The following EXOC6 variants were observed in gnomAD, a reference collection of about 807,000 sequenced individuals.
EXOC6 encodes the protein SEC15-like 1.
A neutral mutation model predicts 112.5 loss-of-function variants in EXOC6; 60 were observed. The ratio of observed to expected loss-of-function variants is 0.53; its 90% CI spans 0.43 to 0.66. EXOC6 has a LOEUF of 0.66. EXOC6 is among the 30% of genes least tolerant of loss of function. The pLI is 0.00. For synonymous variants in EXOC6, 295 were observed against 308.0 expected, an observed-to-expected ratio of 0.96 and a Z score of 0.44; for missense variants, 855 against 957.1, an observed-to-expected ratio of 0.89 and a Z score of 1.41.
rs147117209 is a variant in EXOC6 at position 92,940,788 on chromosome 10, A to G, written c.1274A>G (p.Asn425Ser). 1.8e-4 allele frequency: 291 copies of G among 1,612,404 alleles called. No homozygotes were observed. In the African/African-American group the frequency reaches 3.5e-3, roughly 19 times the overall value. The change falls in exon 13 of 22, where the codon AAT becomes AGT. Residue 425 changes from asparagine to serine, a missense_variant. This residue lies in a region of EXOC6 where 450 missense variants were observed against 563.5 expected (regional missense o/e 0.80). Transcript: ENST00000260762. ...DLLFEIRDQY[N>S]ETLLKKWAGV... is the part of the protein sequence containing the mutation. ...TTATTTGAAATAAGAGACCAATACA[A>G]TGAAACACTGCTTAAGAAATGGGCT...
chr10:92,853,569 GA>G (rs1453819661), intron 1 of EXOC6, among the ~76,000 whole-genome samples: 3 of 152,140 alleles, frequency 2.0e-5, no homozygotes, highest in Non-Finnish European at 2.9e-5. Flanking sequence ...AAACTTAATA[GA>G]AACCACATAA....
chr10:92,975,742 C>T (rs868012883), intron 18 of EXOC6, among the ~76,000 whole-genome samples: 2 of 86,092 alleles, frequency 2.3e-5, no homozygotes, highest in Non-Finnish European at 4.8e-5. Flanking sequence ...GGAGGGAGGT[C>T]GGGGGGCCAG....
intron 19 of EXOC6, among the ~76,000 whole-genome samples, chr10:93,012,739 A>G (rs1366175165): frequency 1.3e-5 from 2 of 152,204 alleles, no homozygotes; most frequent in East Asian, 3.8e-4. Context: ...TAAATTCACA[A>G]ATGGAACATC....
intron 18 of EXOC6, among the ~76,000 whole-genome samples, chr10:92,979,170 C>T (rs2134114995): frequency 6.6e-6 from 1 of 152,216 alleles, no homozygotes; most frequent in Middle Eastern, 3.4e-3. Context: ...CCTTCCCCTC[C>T]CTTCCCCTCC....
intron 4 of EXOC6, among the ~76,000 whole-genome samples, chr10:92,896,147 GTA>G (rs1337829493): frequency 0.032 from 782 of 24,468 alleles, 70 homozygotes; most frequent in Non-Finnish European, 0.034. Flanking sequence ...GTATGTATGT[GTA>G]TATATATATA....
chr10:92,887,025 T>A (rs1245021336), intron 1 of EXOC6, among the ~76,000 whole-genome samples: 1 of 152,210 alleles, frequency 6.6e-6, no homozygotes, highest in East Asian at 1.9e-4. Context: ...GCCGGTTAAG[T>A]CACTGTGGGG....
At chr10:92,862,834 C>A (rs952696628) in intron 1 of EXOC6, among the ~76,000 whole-genome samples, 5 of 152,158 alleles carry the variant, frequency 3.3e-5, no homozygotes, top group African/African-American at 7.2e-5. Context: ...TATGAACATT[C>A]ATGTACAAGT....
chr10:93,031,147 C>T (rs150100625), intron 20 of EXOC6, among the ~76,000 whole-genome samples: 2,327 of 152,204 alleles, frequency 0.015, 26 homozygotes, highest in Non-Finnish European at 0.025. Context: ...GATCTCTTTA[C>T]CTGACACCAA....
intron 8 of EXOC6, among the ~76,000 whole-genome samples, chr10:92,921,801 A>G (rs1165604652): frequency 6.6e-6 from 1 of 151,668 alleles, no homozygotes; most frequent in Non-Finnish European, 1.5e-5. Flanking sequence ...GGCTCATGCC[A>G]CCATGCTTGG....
At chr10:92,899,254 C>A (rs1459892148) in intron 4 of EXOC6, among the ~76,000 whole-genome samples, 2 of 152,100 alleles carry the variant, frequency 1.3e-5, no homozygotes, top group Non-Finnish European at 2.9e-5. Flanking sequence ...AGTTCCAGTT[C>A]TATTTCAGGG....
At chr10:92,896,621 T>C (rs1849843565) in intron 4 of EXOC6, among the ~76,000 whole-genome samples, 1 of 152,044 alleles carries the variant, frequency 6.6e-6, no homozygotes, top group Admixed American at 6.6e-5. Flanking sequence ...AGAGTCTCAC[T>C]CTGTTGGCCA....
At chr10:92,966,414 T>G (rs1389769190) in intron 17 of EXOC6, among the ~76,000 whole-genome samples, 8 of 142,800 alleles carry the variant, frequency 5.6e-5, no homozygotes, top group Non-Finnish European at 7.7e-5. Context: ...ATTAGGTATA[T>G]CTCCTAATGC....
At chr10:92,959,536 T>C (rs926088865) in intron 17 of EXOC6, among the ~76,000 whole-genome samples, 1 of 152,188 alleles carries the variant, frequency 6.6e-6, no homozygotes, top group African/African-American at 2.4e-5. Context: ...TTTAGACTTC[T>C]GTTCTATGAA....
In EXOC6 at chr10:92,952,344, T is replaced by A; in HGVS notation, c.1488T>A (p.Ile496=). ...PHIYIQVKEF[I]YASLKFSESL... is the part of the protein sequence containing the mutation. Reference sequence around the variant, plus strand: ...TTTACATTCAAGTTAAAGAATTTATTTATGCCAGCCTTAAATTTTCAGAGT... The same window carrying A: ...TTTACATTCAAGTTAAAGAATTTATATATGCCAGCCTTAAATTTTCAGAGT... Residue 496 remains isoleucine (I), a synonymous_variant, in exon 15 of 22, where the codon ATT becomes ATA. Transcript: ENST00000260762. 7 of 1,612,536 alleles carry A rather than the reference T, an allele frequency of 4.3e-6. No individual in the cohort carries two copies. Among genetic ancestry groups the A allele is most frequent in the Non-Finnish European group, 5.9e-6 (7 of 1,178,924 alleles).
At chr10:93,020,846 G>A (rs544859533) in intron 20 of EXOC6, among the ~76,000 whole-genome samples, 6 of 151,626 alleles carry the variant, frequency 4.0e-5, no homozygotes, top group African/African-American at 1.5e-4. Context: ...GGTCTCTCTG[G>A]CCTCTTTCCC....
intron 15 of EXOC6, 82 bp downstream of exon 15, chr10:92,952,464 T>A (rs1853475695): frequency 1.2e-6 from 1 of 865,752 alleles, no homozygotes; most frequent in African/African-American, 1.7e-5. Flanking sequence ...TAACTTTTTT[T>A]TCCTCAACTT....
At chr10:92,886,334 C>T (rs192306390) in intron 1 of EXOC6, among the ~76,000 whole-genome samples, 1 of 152,318 alleles carries the variant, frequency 6.6e-6, no homozygotes, top group East Asian at 1.9e-4. Context: ...TTTTGCTCCT[C>T]CTTATTTTGT....
upstream of EXOC6, among the ~76,000 whole-genome samples, chr10:92,847,835 C>CTTTTTTTT (rs3078184): frequency 2.1e-5 from 2 of 93,656 alleles, no homozygotes; most frequent in African/African-American, 4.1e-5. Context: ...CGCCCTGGGC[C>CTTTTTTTT]TTTTTTTTTT....
chr10:92,870,412 G>A (rs1408706947), intron 1 of EXOC6, among the ~76,000 whole-genome samples: 1 of 152,164 alleles, frequency 6.6e-6, no homozygotes, highest in Non-Finnish European at 1.5e-5. Flanking sequence ...TGCTCCGTCA[G>A]TATGATTGAA....
Sources: allele counts gnomAD v4.1 joint callset (sites outside exome capture counted in the v4.1 genomes callset), GRCh38; gene constraint gnomAD v4.1.1; regional missense constraint gnomAD v4.1.1; transcripts MANE v1.5; gene names NCBI Gene and HGNC (gene_info 2026-07-23, HGNC 2026-07-21).